The following CAMKMT variants were observed in gnomAD, a reference collection of about 807,000 sequenced individuals.
CAMKMT encodes CaM KMT.
CAMKMT carries 53 observed loss-of-function variants against 48.0 expected under a neutral mutation model. The observed-to-expected ratio is 1.10, with a 90% CI of 0.89 to 1.39. CAMKMT has a LOEUF of 1.39. CAMKMT is among the 40% of genes most tolerant of loss of function. CAMKMT has a pLI of 0.00. For synonymous variants in CAMKMT, 165 were observed against 152.3 expected (o/e 1.08, Z -0.61); for missense variants, 428 against 402.7 (o/e 1.06, Z -0.54).
At chr2:44,401,647 T>A (rs1280388373) in intron 3 of CAMKMT, among the ~76,000 whole-genome samples, 3 of 152,150 alleles carry the variant, frequency 2.0e-5, no homozygotes, top group Non-Finnish European at 4.4e-5. Flanking sequence ...GGCAAAAAAA[T>A]GGCTTGAATA....
rs1009765000 is a variant in CAMKMT, at chr2:44,410,553, A to T, written c.376+20248A>T. ...TAAAATGTGGGAGATCTTAAAATTG[A>T]GAGGTACAATCAACCCTGAAATTCC... On this transcript the variant is annotated intron_variant, in intron 3 of 10. Transcript: ENST00000378494. 1.3e-5 allele frequency among the ~76,000 whole-genome samples: 2 copies of T among 152,012 alleles called. 1 individual carries two copies. The highest frequency in any genetic ancestry group is 4.8e-5 in the African/African-American group (2 of 41,390).
chr2:44,692,556 A>T (rs1321237929), intron 3 of CAMKMT, among the ~76,000 whole-genome samples: 1 of 152,224 alleles, frequency 6.6e-6, no homozygotes, highest in Non-Finnish European at 1.5e-5. Flanking sequence ...TGTTTTAATC[A>T]CTGCTGTATC....
intron 3 of CAMKMT, among the ~76,000 whole-genome samples, chr2:44,573,485 G>C (rs1360353677): frequency 6.6e-6 from 1 of 151,812 alleles, no homozygotes; most frequent in Non-Finnish European, 1.5e-5. Flanking sequence ...TCATTCTGTT[G>C]ATAATGTCTT....
chr2:44,499,298 C>G (rs985177783), intron 3 of CAMKMT, among the ~76,000 whole-genome samples: 1 of 152,128 alleles, frequency 6.6e-6, no homozygotes, highest in African/African-American at 2.4e-5. Flanking sequence ...ATATGCTGAC[C>G]TTGGAGAGTG....
intron 6 of CAMKMT, 93 bp downstream of exon 6, chr2:44,707,555 T>C: frequency 9.5e-7 from 1 of 1,056,860 alleles, no homozygotes; most frequent in Admixed American, 2.4e-5. Context: ...GCATGGGGTA[T>C]TAAAAGAGAG....
chr2:44,555,383 G>A (rs1444928364), intron 3 of CAMKMT, among the ~76,000 whole-genome samples: 2 of 152,200 alleles, frequency 1.3e-5, no homozygotes, highest in Admixed American at 6.5e-5. Flanking sequence ...CACATCTGAC[G>A]GTTTCTGGCT....
chr2:44,649,648 A>G (rs1673946619), intron 3 of CAMKMT, among the ~76,000 whole-genome samples: 1 of 152,162 alleles, frequency 6.6e-6, no homozygotes, highest in Non-Finnish European at 1.5e-5. Flanking sequence ...AGCTGAAATG[A>G]CAGTAAATTT....
At chr2:44,522,773 T>C (rs1406669025) in intron 3 of CAMKMT, among the ~76,000 whole-genome samples, 4 of 152,212 alleles carry the variant, frequency 2.6e-5, no homozygotes, top group Admixed American at 2.6e-4. Flanking sequence ...TCCTTTACAT[T>C]ACCTCTAAAT....
chr2:44,573,401 T>C (rs916275676), intron 3 of CAMKMT, among the ~76,000 whole-genome samples: 1 of 152,110 alleles, frequency 6.6e-6, no homozygotes, highest in Non-Finnish European at 1.5e-5. Context: ...TGTTTTTTTT[T>C]AGTGTATATT....
intron 3 of CAMKMT, among the ~76,000 whole-genome samples, chr2:44,680,457 C>T (rs1437583459): frequency 6.6e-6 from 1 of 152,180 alleles, no homozygotes; most frequent in Non-Finnish European, 1.5e-5. Flanking sequence ...CTTCTGCCAG[C>T]TTGTACAAAG....
intron 3 of CAMKMT, among the ~76,000 whole-genome samples, chr2:44,560,663 G>A (rs533215078): frequency 5.9e-5 from 9 of 152,300 alleles, no homozygotes; most frequent in African/African-American, 2.2e-4. Flanking sequence ...TATAGTTTGA[G>A]GTGGTATATT....
chr2:44,614,936 C>CTTTTTTTTT lies in CAMKMT; in HGVS notation c.377-89331_377-89323dup, dbSNP rs3083440. Among the ~76,000 whole-genome samples, 391 of 48,986 alleles carry CTTTTTTTTT rather than the reference C, an allele frequency of 8.0e-3. 80 individuals carry two copies. The highest frequency in any genetic ancestry group is 9.1e-3 in the African/African-American group (88 of 9,642). The allele number at this position is 48,986 out of a possible 152,430, so 32.1% of individuals were successfully genotyped here. ...TCTAACCAGCTCTTTGGTCTCCTTGCTTTTTTTTTTTTTTTTTTTTTTTTG... is the reference window on the plus strand; with the variant it reads ...TCTAACCAGCTCTTTGGTCTCCTTGCTTTTTTTTTTTTTTTTTTTTTTTTTTTTTTTTTG... On this transcript the variant is annotated intron_variant, in intron 3 of 10. Coordinates refer to ENST00000378494, the MANE Select transcript of CAMKMT (RefSeq NM_024766.5).
chr2:44,401,163 G>A (rs1385866300), intron 3 of CAMKMT: 1 of 152,074 alleles, frequency 6.6e-6, no homozygotes, highest in Non-Finnish European at 1.5e-5. Context: ...AGAAACTACT[G>A]CAAGTTAAAT....
intron 3 of CAMKMT, among the ~76,000 whole-genome samples, chr2:44,431,624 C>G (rs1684654401): frequency 6.6e-6 from 1 of 152,100 alleles, no homozygotes; most frequent in Non-Finnish European, 1.5e-5. Flanking sequence ...GTGATAAGAA[C>G]CTAGGTATTC....
At chr2:44,546,703 T>G (rs1448332471) in intron 3 of CAMKMT, among the ~76,000 whole-genome samples, 2 of 152,210 alleles carry the variant, frequency 1.3e-5, no homozygotes, top group Non-Finnish European at 2.9e-5. Flanking sequence ...CTCTTTTCAC[T>G]TAGCATAGTC....
chr2:44,513,164 G>A (rs1259873769), intron 3 of CAMKMT, among the ~76,000 whole-genome samples: 4 of 152,052 alleles, frequency 2.6e-5, no homozygotes, highest in African/African-American at 4.8e-5. Context: ...CCCTCAGGCC[G>A]CTCTTCTGTG....
chr2:44,542,543 T>A (rs62135377), intron 3 of CAMKMT, among the ~76,000 whole-genome samples: 77 of 61,892 alleles, frequency 1.2e-3, no homozygotes, highest in African/African-American at 2.6e-3. Flanking sequence ...ACACACTCTC[T>A]CTCTCTCTCT....
intron 3 of CAMKMT, among the ~76,000 whole-genome samples, chr2:44,427,491 A>G (rs1684348210): frequency 6.6e-6 from 1 of 152,258 alleles, no homozygotes; most frequent in Admixed American, 6.5e-5. Flanking sequence ...TGGGCAAAGG[A>G]CACGAACAGA....
intron 3 of CAMKMT, among the ~76,000 whole-genome samples, chr2:44,608,729 CTGAATCCTTAAACTTAGGTT>C (rs1410612850): frequency 6.6e-6 from 1 of 152,080 alleles, no homozygotes; most frequent in Non-Finnish European, 1.5e-5. Flanking sequence ...GATATTTCTC[CTGAATCCTTAAACTTAGGTT>C]TCCTCCTCCT....
Sources: gnomAD v4.1 joint callset for allele counts (sites outside exome capture counted in the v4.1 genomes callset) on GRCh38, gnomAD v4.1.1 for gene constraint, MANE v1.5 for transcripts, NCBI Gene and HGNC (gene_info 2026-07-23, HGNC 2026-07-21) for gene names.